KCNIP1: variants seen among roughly 807,000 people sequenced by gnomAD.
The protein encoded by KCNIP1 is potassium voltage-gated channel interacting protein 1, also known as A-type potassium channel modulatory protein KCNIP1.
A neutral mutation model predicts 33.0 loss-of-function variants in KCNIP1; 18 were observed. That is an observed-to-expected ratio of 0.55 (90% CI 0.38 to 0.81). The LOEUF (loss-of-function observed/expected upper bound fraction) is 0.81. Ranked by LOEUF, KCNIP1 falls within the 30% of genes least tolerant of loss-of-function variation. The pLI is 0.00. For missense variants in KCNIP1, 238 were observed against 271.6 expected, an observed-to-expected ratio of 0.88 and a Z score of 0.87; for synonymous variants, 93 against 98.3, an observed-to-expected ratio of 0.95 and a Z score of 0.32.
chr5:170,369,986 C>T (rs1362666156), intron 1 of KCNIP1, among the ~76,000 whole-genome samples: 1 of 151,940 alleles, frequency 6.6e-6, no homozygotes, highest in Admixed American at 6.6e-5. Flanking sequence ...ACCCTTTTTC[C>T]CCAGGAATTA....
chr5:170,425,928 G>C (rs765728648), intron 1 of KCNIP1, among the ~76,000 whole-genome samples: 2 of 152,344 alleles, frequency 1.3e-5, no homozygotes, highest in Middle Eastern at 3.4e-3. Context: ...CAGCTTCCTG[G>C]TTCCTGAATT....
intron 1 of KCNIP1, among the ~76,000 whole-genome samples, chr5:170,597,784 A>T (rs1260407551): frequency 1.5e-5 from 2 of 134,482 alleles, no homozygotes; most frequent in Admixed American, 7.2e-5. Context: ...GAGAGAGATA[A>T]ATATATATAT....
intron 1 of KCNIP1, among the ~76,000 whole-genome samples, chr5:170,657,418 T>C (rs2113738252): frequency 6.6e-6 from 1 of 152,310 alleles, no homozygotes; most frequent in Non-Finnish European, 1.5e-5. Context: ...CACCCATTCC[T>C]TAGGGCAGGC....
chr5:170,653,127 A>G (rs1761117360), intron 1 of KCNIP1, among the ~76,000 whole-genome samples: 1 of 152,246 alleles, frequency 6.6e-6, no homozygotes, highest in Admixed American at 6.5e-5. Context: ...CTGGACATGC[A>G]GACAGCGATT....
intron 1 of KCNIP1, among the ~76,000 whole-genome samples, chr5:170,357,599 G>A (rs923359898): frequency 2.6e-5 from 4 of 152,136 alleles, no homozygotes; most frequent in Non-Finnish European, 5.9e-5. Context: ...ATGCAATCAC[G>A]GCTCACTGCA....
intron 1 of KCNIP1, among the ~76,000 whole-genome samples, chr5:170,562,198 G>A (rs992829438): frequency 2.6e-5 from 4 of 152,250 alleles, no homozygotes; most frequent in African/African-American, 9.6e-5. Context: ...GTCAAATAGA[G>A]CTGAGACCCA....
intron 1 of KCNIP1, among the ~76,000 whole-genome samples, chr5:170,483,469 G>T (rs561412569): frequency 6.6e-6 from 1 of 152,142 alleles, no homozygotes; most frequent in African/African-American, 2.4e-5. Context: ...AGGATATCTG[G>T]CTGGTTGTAT....
chr5:170,591,742 A>G (rs771469773), intron 1 of KCNIP1, among the ~76,000 whole-genome samples: 17 of 152,206 alleles, frequency 1.1e-4, no homozygotes, highest in Non-Finnish European at 2.1e-4. Context: ...ATGTCCTCAG[A>G]CTTTATTCAT....
intron 1 of KCNIP1, among the ~76,000 whole-genome samples, chr5:170,580,350 G>A (rs1479327007): frequency 6.6e-6 from 1 of 152,206 alleles, no homozygotes; most frequent in East Asian, 1.9e-4. Context: ...CAGTTCCTAT[G>A]TACCCTGTAC....
At chr5:170,673,957 T>C (rs1457829949) in intron 1 of KCNIP1, among the ~76,000 whole-genome samples, 2 of 152,020 alleles carry the variant, frequency 1.3e-5, no homozygotes, top group Non-Finnish European at 2.9e-5. Context: ...AAAAGGTGCA[T>C]AGATCCTGTG....
At chr5:170,576,258 C>T (rs778937831) in intron 1 of KCNIP1, among the ~76,000 whole-genome samples, 1 of 152,180 alleles carries the variant, frequency 6.6e-6, no homozygotes, top group Non-Finnish European at 1.5e-5. Flanking sequence ...TTGTTTGGGC[C>T]TCACAGTGTA....
chr5:170,625,411 C>T (rs1001080523), intron 1 of KCNIP1, among the ~76,000 whole-genome samples: 6 of 152,202 alleles, frequency 3.9e-5, no homozygotes, highest in Admixed American at 2.6e-4. Flanking sequence ...GGACCCCTGG[C>T]TGCGGCGTAA....
chr5:170,667,651 C>T (rs998097055), intron 1 of KCNIP1, among the ~76,000 whole-genome samples: 1 of 152,194 alleles, frequency 6.6e-6, no homozygotes, highest in African/African-American at 2.4e-5. Context: ...AGGTTCAATG[C>T]CCAGCTCCAT....
intron 1 of KCNIP1, chr5:170,712,756 G>A (rs1238680436): frequency 1.1e-5 from 12 of 1,123,918 alleles, no homozygotes; most frequent in East Asian, 4.7e-5. Context: ...GCTGGACGAC[G>A]TGGACACCCT....
intron 1 of KCNIP1, among the ~76,000 whole-genome samples, chr5:170,490,296 C>A (rs1757179843): frequency 6.6e-6 from 1 of 152,238 alleles, no homozygotes; most frequent in Non-Finnish European, 1.5e-5. Context: ...ACCCAGCTGA[C>A]TGCTCTCACC....
At chr5:170,568,934 T>G (rs1200223036) in intron 1 of KCNIP1, among the ~76,000 whole-genome samples, 1 of 152,156 alleles carries the variant, frequency 6.6e-6, no homozygotes, top group African/African-American at 2.4e-5. Context: ...CCACATTACC[T>G]CCTATTAGGG....
chr5:170,635,156 A>T (rs2113682215), intron 1 of KCNIP1, among the ~76,000 whole-genome samples: 2 of 152,248 alleles, frequency 1.3e-5, no homozygotes, highest in South Asian at 2.1e-4. Context: ...CAACCTCCTG[A>T]CTAGCTGAAA....
intron 1 of KCNIP1, chr5:170,680,844 T>C: frequency 2.7e-6 from 1 of 370,698 alleles, no homozygotes; most frequent in East Asian, 3.9e-5. Context: ...AAAGAGGAAA[T>C]AAAAGCAAAT....
At chr5:170,690,480 C>G (rs1431301131) in intron 1 of KCNIP1, among the ~76,000 whole-genome samples, 1 of 152,154 alleles carries the variant, frequency 6.6e-6, no homozygotes, top group Non-Finnish European at 1.5e-5. Context: ...GAGAATATCC[C>G]AAGAATAGAT....
Sources: allele counts gnomAD v4.1 joint callset (sites outside exome capture counted in the v4.1 genomes callset), GRCh38; gene constraint gnomAD v4.1.1; transcripts MANE v1.5; gene names NCBI Gene and HGNC (gene_info 2026-07-23, HGNC 2026-07-21).